Variants in VWC2L observed in about 807,000 individuals in gnomAD.
VWC2L encodes von Willebrand factor C domain-containing protein 2-like.
In VWC2L, 10 loss-of-function variants were observed where a neutral mutation model predicts 21.6. The observed-to-expected ratio is 0.46, with a 90% CI of 0.29 to 0.78. VWC2L has a LOEUF of 0.78. Ranked by LOEUF, VWC2L falls within the 30% of genes least tolerant of loss-of-function variation. The pLI, the probability that VWC2L is intolerant of heterozygous loss-of-function variation, is 0.10. For missense variants in VWC2L, 209 were observed against 277.1 expected (o/e 0.75, Z 1.74); for synonymous variants, 96 against 94.3 (o/e 1.02, Z -0.10).
intron 3 of VWC2L, among the ~76,000 whole-genome samples, chr2:214,567,916 A>C (rs6728821): frequency 1 from 152,119 of 152,296 alleles, 75,971 homozygotes; most frequent in Middle Eastern, 1. Flanking sequence ...AAGTGTTAAC[A>C]AAATTGCATG....
intron 3 of VWC2L, among the ~76,000 whole-genome samples, chr2:214,476,480 TG>T (rs1688527740): frequency 6.6e-6 from 1 of 152,070 alleles, no homozygotes; most frequent in Non-Finnish European, 1.5e-5. Flanking sequence ...TTGTGGGGGT[TG>T]GGGGGCATAT....
At chr2:214,551,519 G>T (rs914974196) in intron 3 of VWC2L, among the ~76,000 whole-genome samples, 2 of 152,142 alleles carry the variant, frequency 1.3e-5, no homozygotes, top group Non-Finnish European at 2.9e-5. Context: ...AGAAATAATC[G>T]CTCTTTTTGG....
At chr2:214,452,082 A>G (rs1702964640) in intron 3 of VWC2L, among the ~76,000 whole-genome samples, 1 of 151,920 alleles carries the variant, frequency 6.6e-6, no homozygotes, top group South Asian at 2.1e-4. Flanking sequence ...TTGTACATCA[A>G]TTTGCATTTC....
intron 3 of VWC2L, among the ~76,000 whole-genome samples, chr2:214,527,305 C>T (rs957565631): frequency 1.3e-5 from 2 of 152,018 alleles, no homozygotes; most frequent in African/African-American, 2.4e-5. Context: ...TGCTCGCTAC[C>T]TGGTTGACAG....
In VWC2L at chr2:214,567,589, CACACACAGAG is replaced by C. The variant is rs1374632043; in HGVS notation, c.521-8081_521-8072del. Among the ~76,000 whole-genome samples the C allele has an allele frequency of 7.1e-4, 96 of 134,606 alleles. 2 individuals are homozygous for C. The highest frequency in any genetic ancestry group is 5.6e-4 in the African/African-American group (19 of 33,794). 88.3% of individuals were successfully genotyped at this position (134,606 alleles called of 152,430 possible). A position where few individuals can be genotyped will look rare whatever the true frequency, so the allele number is the denominator to read the frequency against. On this transcript the variant is annotated intron_variant, in intron 3 of 3. Transcript: ENST00000312504. ...ACACACACACACACACACACACACA[CACACACAGAG>C]AGAGAGAGAGAGAGAGATAATTAAA...
intron 3 of VWC2L, among the ~76,000 whole-genome samples, chr2:214,544,796 C>T (rs1354420306): frequency 2.0e-5 from 3 of 152,116 alleles, no homozygotes; most frequent in Non-Finnish European, 4.4e-5. Flanking sequence ...GGGTATTCTA[C>T]ACCCTATACC....
rs1690272226 is a variant in VWC2L at position 214,578,780 on chromosome 2, T to A, written c.*2960T>A. 6.6e-6 allele frequency: 1 copy of A among 152,074 alleles called. No homozygotes were observed. Among genetic ancestry groups the A allele is most frequent in the Non-Finnish European group, 1.5e-5 (1 of 67,994 alleles). 9.4% of individuals were successfully genotyped at this position (152,074 alleles called of 1,614,324 possible). A position where few individuals can be genotyped will look rare whatever the true frequency, so the allele number is the denominator to read the frequency against. On this transcript the variant is annotated 3_prime_UTR_variant, in exon 4 of 4. Coordinates refer to ENST00000312504, the MANE Select transcript of VWC2L (RefSeq NM_001080500.4). The stretch of plus-strand genomic sequence containing the variant: ...GTTAAAATAAGGGATCAACATCTTG[T>A]TTGTCAGCTGATGCCTATTAAAAAC...
intron 3 of VWC2L, among the ~76,000 whole-genome samples, chr2:214,515,549 AT>A (rs1267076195): frequency 2.0e-5 from 3 of 151,902 alleles, no homozygotes; most frequent in African/African-American, 7.3e-5. Flanking sequence ...TTATTTATTT[AT>A]TTTATTTATT....
chr2:214,459,695 C>A (rs901902159), intron 3 of VWC2L, among the ~76,000 whole-genome samples: 1 of 152,084 alleles, frequency 6.6e-6, no homozygotes, highest in Non-Finnish European at 1.5e-5. Flanking sequence ...CTGGAAAAGA[C>A]TGGTCTTCCT....
intron 3 of VWC2L, among the ~76,000 whole-genome samples, chr2:214,535,390 A>G (rs1030159436): frequency 1.3e-5 from 2 of 151,948 alleles, no homozygotes; most frequent in Non-Finnish European, 2.9e-5. Flanking sequence ...AGATTCTCAT[A>G]CCATATCATG....
At chr2:214,454,723 C>A (rs1703030178) in intron 3 of VWC2L, among the ~76,000 whole-genome samples, 1 of 149,822 alleles carries the variant, frequency 6.7e-6, no homozygotes, top group South Asian at 2.1e-4. Context: ...CCTGCCTCAG[C>A]CTCCGAGTAG....
intron 3 of VWC2L, among the ~76,000 whole-genome samples, chr2:214,531,541 T>TA (rs1239027013): frequency 1.3e-5 from 2 of 152,260 alleles, no homozygotes; most frequent in African/African-American, 4.8e-5. Flanking sequence ...TTCCTTCAAG[T>TA]AAAGTGTTCT....
chr2:214,537,297 C>A (rs1051303608), intron 3 of VWC2L, among the ~76,000 whole-genome samples: 2 of 151,986 alleles, frequency 1.3e-5, no homozygotes, highest in African/African-American at 4.8e-5. Flanking sequence ...TTTTCTCGAT[C>A]CATTCATCCA....
chr2:214,562,263 G>C (rs1007589157), intron 3 of VWC2L, among the ~76,000 whole-genome samples: 1 of 152,058 alleles, frequency 6.6e-6, no homozygotes, highest in Non-Finnish European at 1.5e-5. Context: ...CTGTTCCCGT[G>C]TTAGTTTGCT....
At chr2:214,556,685 G>C (rs1436800259) in intron 3 of VWC2L, among the ~76,000 whole-genome samples, 1 of 152,156 alleles carries the variant, frequency 6.6e-6, no homozygotes, top group Non-Finnish European at 1.5e-5. Flanking sequence ...AGCAAATCTA[G>C]CATACTACAA....
chr2:214,516,792 G>T (rs1392229545), intron 3 of VWC2L, among the ~76,000 whole-genome samples: 1 of 151,782 alleles, frequency 6.6e-6, no homozygotes, highest in Non-Finnish European at 1.5e-5. Flanking sequence ...CTTACGTTTG[G>T]TCCCAGGTCT....
In VWC2L at chr2:214,411,635, G is replaced by A. The variant is rs1461270918; in HGVS notation, c.-232G>A. The A allele has an allele frequency of 2.0e-5, 3 of 152,140 alleles. No homozygotes were observed. The allele number at this position is 152,140 out of a possible 1,614,324, so 9.4% of individuals were successfully genotyped here. A position where few individuals can be genotyped will look rare whatever the true frequency, so the allele number is the denominator to read the frequency against. On this transcript the variant is annotated 5_prime_UTR_variant, in exon 1 of 4. Transcript: ENST00000312504. The stretch of plus-strand genomic sequence containing the variant: ...GCTTCTTTACTGTGTTTTGAAATGG[G>A]AGGTAGAGAGAATGGATTGCCTTTA...
chr2:214,482,664 T>TA (rs963021626), intron 3 of VWC2L, among the ~76,000 whole-genome samples: 31 of 139,846 alleles, frequency 2.2e-4, no homozygotes, highest in African/African-American at 6.5e-4. Context: ...TATATATATA[T>TA]TTTTTTTTCT....
chr2:214,547,776 G>T (rs1574630108), intron 3 of VWC2L, among the ~76,000 whole-genome samples: 1 of 152,230 alleles, frequency 6.6e-6, no homozygotes, highest in East Asian at 1.9e-4. Flanking sequence ...TAAGTAACTG[G>T]GTTTTGGTGG....
Sources: allele counts gnomAD v4.1 joint callset (sites outside exome capture counted in the v4.1 genomes callset), GRCh38; gene constraint gnomAD v4.1.1; transcripts MANE v1.5; gene names NCBI Gene and HGNC (gene_info 2026-07-23, HGNC 2026-07-21).